VWA3A: variants seen among roughly 807,000 people sequenced by gnomAD.
VWA3A encodes von Willebrand factor A domain containing 3A, also known as von Willebrand factor A domain-containing protein 3A.
In VWA3A, 134 loss-of-function variants were observed where a neutral mutation model predicts 160.4. The ratio of observed to expected loss-of-function variants is 0.84; its 90% CI spans 0.73 to 0.96. VWA3A has a LOEUF of 0.96. Ranked by LOEUF, VWA3A falls within the 40% of genes least tolerant of loss-of-function variation. The pLI, the probability that VWA3A is intolerant of heterozygous loss-of-function variation, is 0.00. For missense variants in VWA3A, 1,310 were observed against 1,447.9 expected, an observed-to-expected ratio of 0.90 and a Z score of 1.55; for synonymous variants, 476 against 543.4, an observed-to-expected ratio of 0.88 and a Z score of 1.72.
chr16:22,096,754 T>A, intron 1 of VWA3A, 105 bp from the exon 2 acceptor site: 2 of 779,278 alleles, frequency 2.6e-6, no homozygotes, highest in Non-Finnish European at 4.1e-6. Context: ...CAAAAAAAAA[T>A]TAAACATGTA....
chr16:22,123,021 GC>G, intron 14 of VWA3A, 63 bp from the exon 15 acceptor site: 1 of 1,407,780 alleles, frequency 7.1e-7, no homozygotes, highest in South Asian at 1.2e-5. Context: ...GAGAACCAGT[GC>G]CCAAATTAAA....
intron 16 of VWA3A, among the ~76,000 whole-genome samples, chr16:22,124,186 CAAAAAAAAAAA>C (rs11426931): frequency 6.4e-5 from 3 of 46,608 alleles, no homozygotes; most frequent in African/African-American, 2.5e-4. Context: ...GTGTCTACCA[CAAAAAAAAAAA>C]AAAAAAAAAA....
intron 17 of VWA3A, among the ~76,000 whole-genome samples, chr16:22,130,870 T>TAA (rs11322884): frequency 6.8e-6 from 1 of 147,456 alleles, no homozygotes; most frequent in Admixed American, 6.7e-5. Flanking sequence ...GATGTGTATT[T>TAA]AAAAAAAAAA....
intron 8 of VWA3A, among the ~76,000 whole-genome samples, 163 bp from the exon 9 acceptor site, chr16:22,115,184 C>T (rs751594310): frequency 5.3e-5 from 8 of 151,848 alleles, no homozygotes; most frequent in Non-Finnish European, 1.2e-4. Flanking sequence ...GCTGAGGCAG[C>T]AGGATCGCTT....
intron 28 of VWA3A, among the ~76,000 whole-genome samples, chr16:22,149,565 T>C (rs1468649816): frequency 1.3e-5 from 2 of 152,130 alleles, no homozygotes; most frequent in Admixed American, 6.5e-5. Flanking sequence ...TTTAAATCTA[T>C]TTCTGTCTGC....
chr16:22,093,815 A>C (rs1046100738), intron 1 of VWA3A, among the ~76,000 whole-genome samples: 7 of 152,120 alleles, frequency 4.6e-5, no homozygotes, highest in African/African-American at 1.7e-4. Context: ...CCCAGGCTGG[A>C]GTGCAGCGAT....
Position 22,140,243 on chromosome 16 carries a change from A to G in VWA3A, c.2382A>G (p.Pro794=), listed in dbSNP as rs778985904. ...RPLSSRVGIS[P]AAAQPTKEGM... ...TCAGTAGCAGAGTTGGCATCTCACCAGGTAAGGCACCATCACGGTCAGGCA... is the reference window on the plus strand; with the variant it reads ...TCAGTAGCAGAGTTGGCATCTCACCGGGTAAGGCACCATCACGGTCAGGCA... The change falls in exon 23 of 34, where the codon CCA becomes CCG. Residue 794 remains proline, a splice_region_variant and synonymous_variant. Coordinates refer to ENST00000389398, the MANE Select transcript of VWA3A (RefSeq NM_173615.5). 2 of 1,613,440 alleles carry G rather than the reference A, an allele frequency of 1.2e-6. No homozygotes were observed. Among genetic ancestry groups the G allele is most frequent in the Non-Finnish European group, 1.7e-6 (2 of 1,179,640 alleles).
At chr16:22,155,780 C>T in intron 32 of VWA3A, 71 bp from the exon 33 acceptor site, 2 of 1,610,220 alleles carry the variant, frequency 1.2e-6, no homozygotes, top group Non-Finnish European at 1.7e-6. Context: ...GGGTTCCTGC[C>T]CTGCTTCTCC....
In VWA3A at chr16:22,103,666, T is replaced by C. The variant is rs896439127; in HGVS notation, c.483+137T>C. 5.1e-6 allele frequency: 5 copies of C among 982,788 alleles called. No individual in the cohort carries two copies. In the Admixed American group the frequency reaches 1.3e-4, roughly 25 times the overall value. The allele number at this position is 982,788 out of a possible 1,614,324, so 60.9% of individuals were successfully genotyped here. A position where few individuals can be genotyped will look rare whatever the true frequency, so the allele number is the denominator to read the frequency against. On this transcript the variant is annotated intron_variant, in intron 6 of 33. Transcript: ENST00000389398. ...AAAGGCATTTACTAACCTAAGTAAA[T>C]GAAAACCCCAGCCACAGCTGGATCC... is the stretch of plus-strand genomic sequence containing the variant.
At chr16:22,148,347 T>A (rs2046293071) in intron 28 of VWA3A, 41 bp downstream of exon 28, 1 of 1,552,586 alleles carries the variant, frequency 6.4e-7, no homozygotes, top group Non-Finnish European at 8.7e-7. Context: ...AAGGGGCAGT[T>A]CCTGGGGCTT....
intron 28 of VWA3A, 65 bp downstream of exon 28, chr16:22,148,371 C>G: frequency 2.0e-6 from 3 of 1,520,178 alleles, no homozygotes; most frequent in Non-Finnish European, 2.7e-6. Flanking sequence ...TGGCCAAGCA[C>G]GCCCCCTCTT....
At chr16:22,116,321 GA>G in intron 9 of VWA3A, 2 of 426,096 alleles carry the variant, frequency 4.7e-6, no homozygotes, top group South Asian at 3.4e-5. Flanking sequence ...AGAAAGGAAG[GA>G]AAGATGGAAG....
At chr16:22,096,759 CAT>C in intron 1 of VWA3A, 98 bp from the exon 2 acceptor site, 1 of 801,466 alleles carries the variant, frequency 1.2e-6, no homozygotes, top group Non-Finnish European at 2.0e-6. Context: ...AAAAATTAAA[CAT>C]GTAGAAAAAG....
intron 13 of VWA3A, 96 bp from the exon 14 acceptor site, chr16:22,121,418 T>C: frequency 1.9e-6 from 2 of 1,037,716 alleles, no homozygotes. Context: ...CACTCTAGCC[T>C]GGGTGACAGA....
At chr16:22,147,814 T>C (rs989458413) in intron 27 of VWA3A, among the ~76,000 whole-genome samples, 8 of 152,218 alleles carry the variant, frequency 5.3e-5, no homozygotes, top group Non-Finnish European at 1.5e-5. Context: ...CACCATCTAA[T>C]ATTTTAAAAC....
At chr16:22,116,355 GAAGGA>G (rs1413506191) in intron 9 of VWA3A, 6 of 440,334 alleles carry the variant, frequency 1.4e-5, no homozygotes, top group Non-Finnish European at 2.2e-5. Context: ...AAAAGAAAAG[GAAGGA>G]AAGAAGGAAG....
At chr16:22,109,310 G>A (rs893673702) in intron 6 of VWA3A, among the ~76,000 whole-genome samples, 172 bp from the exon 7 acceptor site, 1 of 152,182 alleles carries the variant, frequency 6.6e-6, no homozygotes, top group Non-Finnish European at 1.5e-5. Context: ...CATGCCCAGA[G>A]CTGAAGTCAT....
chr16:22,145,276 T>C (rs1212936230), intron 26 of VWA3A, among the ~76,000 whole-genome samples: 4 of 152,198 alleles, frequency 2.6e-5, no homozygotes, highest in Non-Finnish European at 4.4e-5. Context: ...CCTCTCCACC[T>C]GAAGTCATCT....
intron 24 of VWA3A, 58 bp from the exon 25 acceptor site, chr16:22,142,610 G>T (rs367999973): frequency 2.2e-6 from 3 of 1,343,516 alleles, no homozygotes; most frequent in East Asian, 2.5e-5. Context: ...CATTTCATGA[G>T]GTTTGCAGGG....
Sources: gnomAD v4.1 joint callset for allele counts (sites outside exome capture counted in the v4.1 genomes callset) on GRCh38, gnomAD v4.1.1 for gene constraint, MANE v1.5 for transcripts, NCBI Gene and HGNC (gene_info 2026-07-23, HGNC 2026-07-21) for gene names.